Variants in PAM observed in about 807,000 individuals in gnomAD.
PAM encodes the protein peptidyl-glycine alpha-amidating monooxygenase.
PAM carries 72 observed loss-of-function variants against 122.1 expected under a neutral mutation model. That is an observed-to-expected ratio of 0.59 (90% CI 0.49 to 0.72). PAM has a LOEUF of 0.72. Ranked by LOEUF, PAM falls within the 30% of genes least tolerant of loss-of-function variation. The pLI is 0.00. For synonymous variants in PAM, 389 were observed against 404.4 expected, an observed-to-expected ratio of 0.96 and a Z score of 0.46; for missense variants, 1,106 against 1,183.7, an observed-to-expected ratio of 0.93 and a Z score of 0.96.
At chr5:102,760,945 A>T (rs538867307) in intron 1 of PAM, among the ~76,000 whole-genome samples, 1 of 152,342 alleles carries the variant, frequency 6.6e-6, no homozygotes, top group Admixed American at 6.5e-5. Flanking sequence ...ATCATGTGTG[A>T]TTGTGAGATT....
intron 15 of PAM, among the ~76,000 whole-genome samples, chr5:102,982,267 C>T (rs1038874859): frequency 5.9e-5 from 9 of 152,168 alleles, no homozygotes; most frequent in African/African-American, 2.2e-4. Flanking sequence ...TCCTTCCAGC[C>T]CACTACCACC....
At chr5:103,000,665 T>C (rs1376404757) in intron 16 of PAM, among the ~76,000 whole-genome samples, 1 of 152,158 alleles carries the variant, frequency 6.6e-6, no homozygotes, top group African/African-American at 2.4e-5. Context: ...TCAGGAAACT[T>C]ACAATCAGGC....
At chr5:102,819,814 T>A (rs949606897) in intron 1 of PAM, among the ~76,000 whole-genome samples, 2 of 152,204 alleles carry the variant, frequency 1.3e-5, no homozygotes, top group Non-Finnish European at 2.9e-5. Flanking sequence ...TATGCTATCA[T>A]AATTAAAACA....
At chr5:103,011,130 C>CTT (rs1478169983) in intron 21 of PAM, among the ~76,000 whole-genome samples, 7 of 152,052 alleles carry the variant, frequency 4.6e-5, no homozygotes, top group African/African-American at 1.7e-4. Flanking sequence ...TCTTCAAAAG[C>CTT]ATAACTCTGT....
intron 7 of PAM, among the ~76,000 whole-genome samples, chr5:102,935,883 A>C (rs1190805110): frequency 6.6e-6 from 1 of 152,172 alleles, no homozygotes; most frequent in Non-Finnish European, 1.5e-5. Context: ...GAAAGTTCCT[A>C]GTTCAAACTA....
intron 16 of PAM, among the ~76,000 whole-genome samples, chr5:102,995,824 A>G (rs1775539491): frequency 6.6e-6 from 1 of 151,744 alleles, no homozygotes; most frequent in South Asian, 2.1e-4. Flanking sequence ...CAATGTGTCT[A>G]TTTTCAGAAG....
chr5:102,917,588 G>T (rs1252358247), intron 5 of PAM, among the ~76,000 whole-genome samples: 2 of 152,106 alleles, frequency 1.3e-5, no homozygotes, highest in Admixed American at 6.6e-5. Context: ...CCTCTTTTCT[G>T]TTTGTTAGCT....
chr5:102,974,402 T>C lies in PAM; in HGVS notation c.1449T>C (p.Pro483=), dbSNP rs750948593. The C allele has an allele frequency of 6.2e-7, 1 of 1,613,602 alleles. No individual in the cohort carries two copies. Among genetic ancestry groups the C allele is most frequent in the South Asian group, 1.1e-5 (1 of 91,020 alleles). The stretch of plus-strand genomic sequence containing the variant: ...TTTTCTCATTACAGCAGCCCCCACC[T>C]GGTGAAGGCACCTGGGAACCAGAAC... The part of the protein sequence containing the change: ...SRVFSLQQPP[P]GEGTWEPEHT... Residue 483 remains proline, a synonymous_variant, in exon 15 of 26, where the codon CCT becomes CCC. Coordinates refer to ENST00000438793, the MANE Select transcript of PAM (RefSeq NM_001177306.2).
chr5:102,916,192 A>C (rs1226754882), intron 5 of PAM, among the ~76,000 whole-genome samples: 1 of 152,062 alleles, frequency 6.6e-6, no homozygotes, highest in Non-Finnish European at 1.5e-5. Context: ...AAGCCTCTCT[A>C]TGCTCTAAAA....
intron 4 of PAM, among the ~76,000 whole-genome samples, chr5:102,911,686 TCCCTTA>T (rs372249327): frequency 1.3e-3 from 197 of 152,152 alleles, no homozygotes; most frequent in African/African-American, 4.7e-3. Context: ...TATGATCTAT[TCCCTTA>T]CCAACAGCTG....
chr5:102,813,981 G>T (rs1004486989), intron 1 of PAM, among the ~76,000 whole-genome samples: 1 of 152,144 alleles, frequency 6.6e-6, no homozygotes, highest in South Asian at 2.1e-4. Flanking sequence ...CATACCTGTT[G>T]CTTACTGTTT....
intron 1 of PAM, among the ~76,000 whole-genome samples, chr5:102,799,781 G>C (rs1046636904): frequency 6.6e-6 from 1 of 152,124 alleles, no homozygotes; most frequent in African/African-American, 2.4e-5. Context: ...GGTTGGCATT[G>C]AACATGAAAT....
chr5:102,833,872 AATAAGCTGTT>A (rs2150472847), intron 1 of PAM, among the ~76,000 whole-genome samples: 1 of 152,284 alleles, frequency 6.6e-6, no homozygotes, highest in East Asian at 1.9e-4. Context: ...TTGACTTTCC[AATAAGCTGTT>A]ATAGTGTAAT....
intron 3 of PAM, among the ~76,000 whole-genome samples, chr5:102,900,758 C>A (rs73175439): frequency 0.049 from 7,422 of 151,424 alleles, 382 homozygotes; most frequent in East Asian, 0.18. Context: ...ACTAAAATTT[C>A]TTGATGTTAA....
chr5:102,973,784 T>C (rs900158642), intron 14 of PAM, among the ~76,000 whole-genome samples: 2 of 151,610 alleles, frequency 1.3e-5, no homozygotes, highest in African/African-American at 4.9e-5. Context: ...GATGATATTT[T>C]ATTTTAGAAA....
rs778240163 is a variant in PAM at position 102,974,296 on chromosome 5, G to C, written c.1343G>C (p.Arg448Thr). The change falls in exon 15 of 26, where the codon AGG (arginine) becomes ACG (threonine). Residue 448 changes from arginine (R) to threonine (T), a missense_variant. Physicochemically the swap from Arg to Thr is moderately conservative, Grantham distance 71 (BLOSUM62 -1). Coordinates refer to ENST00000438793, the MANE Select transcript of PAM (RefSeq NM_001177306.2). ...SDAREGAEHE[R>T]GNAILVRDRI... The stretch of plus-strand genomic sequence containing the variant: ...GCCAGAGAGGGTGCAGAACATGAGA[G>C]GGGTAATGCTATTCTTGTCAGAGAC... The C allele has an allele frequency of 1.9e-6, 3 of 1,614,034 alleles. No individual in the cohort carries two copies. The highest frequency in any genetic ancestry group is 2.2e-5 in the South Asian group (2 of 91,060).
At chr5:102,925,505 G>C (rs891500815) in intron 6 of PAM, among the ~76,000 whole-genome samples, 2 of 152,162 alleles carry the variant, frequency 1.3e-5, no homozygotes, top group African/African-American at 4.8e-5. Context: ...TGTACTACCA[G>C]ACTCTCATTT....
At chr5:102,765,961 ATCT>A (rs966168334) in intron 1 of PAM, among the ~76,000 whole-genome samples, 4 of 152,024 alleles carry the variant, frequency 2.6e-5, no homozygotes, top group African/African-American at 9.7e-5. Context: ...AGAATTGAAC[ATCT>A]TTTTTTTTTA....
At chr5:102,983,463 T>A (rs1397707204) in intron 15 of PAM, among the ~76,000 whole-genome samples, 15 of 128,842 alleles carry the variant, frequency 1.2e-4, no homozygotes, top group African/African-American at 4.7e-4. Flanking sequence ...AAAAAAAAAA[T>A]CCTGAGATTT....
Sources: gnomAD v4.1 joint callset for allele counts (sites outside exome capture counted in the v4.1 genomes callset) on GRCh38, gnomAD v4.1.1 for gene constraint, MANE v1.5 for transcripts, NCBI Gene and HGNC (gene_info 2026-07-23, HGNC 2026-07-21) for gene names.